DNHD1: variants seen among roughly 807,000 people sequenced by gnomAD.
DNHD1 encodes the protein dynein heavy chain domain 1.
Under a neutral mutation model 458.1 loss-of-function variants are expected in DNHD1, and 383 were observed. That is an observed-to-expected ratio of 0.84 (90% CI 0.77 to 0.91). The LOEUF (loss-of-function observed/expected upper bound fraction) is 0.91, where lower values mean the gene tolerates loss of function less well. Ranked by LOEUF, DNHD1 falls within the 40% of genes least tolerant of loss-of-function variation. DNHD1 has a pLI of 0.00. For synonymous variants in DNHD1, 2,203 were observed against 2,376.9 expected (o/e 0.93, Z 2.13); for missense variants, 5,336 against 5,866.1 (o/e 0.91, Z 2.95).
chr11:6,499,032 T>A, intron 3 of DNHD1, 71 bp downstream of exon 3: 1 of 1,490,858 alleles, frequency 6.7e-7, no homozygotes, highest in Non-Finnish European at 8.9e-7. Flanking sequence ...GCCTCTGGGG[T>A]CACTTGGAAG....
At position 6,547,131 on chromosome 11, in the gene DNHD1, G is replaced by A. The variant is rs1444355196; in HGVS notation, c.6192G>A (p.Gln2064=). The stretch of plus-strand genomic sequence containing the variant: ...CCAAGGTACTTCGTGCAGCCGGTCA[G>A]TGTAACAACATGGGCCAAAAGAGGC... ...IFPKVLRAAG[Q]CNNMGQKRQT... is the part of the protein sequence containing the mutation. The change falls in exon 21 of 43, where the codon CAG becomes CAA. Residue 2064 remains glutamine (Q), a synonymous_variant. Transcript: ENST00000254579. 1 of 1,551,756 alleles carries A rather than the reference G, an allele frequency of 6.4e-7. No homozygotes were observed. Among genetic ancestry groups the A allele is most frequent in the Admixed American group, 2.0e-5 (1 of 51,014 alleles).
Position 6,544,560 on chromosome 11 carries a change from G to T in DNHD1, c.3755-14G>T, listed in dbSNP as rs770953345. 3.4e-5 allele frequency: 52 copies of T among 1,547,300 alleles called. No individual in the cohort carries two copies. The highest frequency in any genetic ancestry group is 4.5e-5 in the Non-Finnish European group (51 of 1,143,300). The stretch of plus-strand genomic sequence containing the variant: ...TAGTGTTTCCCACCAGCATTCCTCT[G>T]GCTGCTTACACAGGTGCCCTGCTGG... On this transcript the variant is annotated splice_polypyrimidine_tract_variant and intron_variant, in intron 19 of 42. Transcript: ENST00000254579.
Position 6,546,085 on chromosome 11 carries a change from C to G in DNHD1, c.5146C>G (p.Gln1716Glu). The G allele has an allele frequency of 6.4e-7, 1 of 1,551,544 alleles. No individual in the cohort carries two copies. Among genetic ancestry groups the G allele is most frequent in the Non-Finnish European group, 8.7e-7 (1 of 1,146,824 alleles). Reference sequence around the variant, plus strand: ...GCTGGTGATGCTACCCTGCTCACCTCAGATAGAGGCTCAATGCCTGAGCAA... The same window carrying G: ...GCTGGTGATGCTACCCTGCTCACCTGAGATAGAGGCTCAATGCCTGAGCAA... ...RQLVMLPCSP[Q>E]IEAQCLSNYL... The change falls in exon 21 of 43, where the codon CAG (glutamine) becomes GAG (glutamate). Residue 1716 changes from glutamine (Q) to glutamate (E), a missense_variant. Physicochemically the swap from Gln to Glu is conservative, Grantham distance 29. Around this residue, in one of 4 missense-constraint regions of DNHD1, gnomAD observed 3,932 missense variants for 4,365.6 expected, o/e 0.90. Transcript: ENST00000254579.
At position 6,566,915 on chromosome 11, in the gene DNHD1, G is replaced by A; in HGVS notation, c.11406G>A (p.Leu3802=). The part of the protein sequence containing the change: ...EAAEERLLTM[L]LFQNPKRQKP... The stretch of plus-strand genomic sequence containing the variant: ...TGCAGGAGCGGCTGCTGACGATGCT[G>A]CTGTTCCAGAATCCGAAGCGTCAGA... The change falls in exon 36 of 43, where the codon CTG becomes CTA. Residue 3802 remains leucine, a synonymous_variant. Coordinates refer to ENST00000254579, the MANE Select transcript of DNHD1 (RefSeq NM_144666.3). 6 of 1,613,264 alleles carry A rather than the reference G, an allele frequency of 3.7e-6. No individual in the cohort carries two copies. Among genetic ancestry groups the A allele is most frequent in the Non-Finnish European group, 5.1e-6 (6 of 1,179,516 alleles).
intron 4 of DNHD1, chr11:6,503,979 G>A (rs1852185353): frequency 6.6e-6 from 1 of 152,148 alleles, no homozygotes; most frequent in South Asian, 2.1e-4. Context: ...CATAAGAGAG[G>A]TTAAGTAATT....
intron 28 of DNHD1, among the ~76,000 whole-genome samples, chr11:6,561,581 A>C (rs1310774358): frequency 6.6e-6 from 1 of 152,270 alleles, no homozygotes; most frequent in Non-Finnish European, 1.5e-5. Context: ...TAACAGAGTA[A>C]GTTCAGAGCA....
In DNHD1 at chr11:6,508,868, C is replaced by G. The variant is rs559911004; in HGVS notation, c.921-12C>G. On this transcript the variant is annotated splice_polypyrimidine_tract_variant and intron_variant, in intron 4 of 42. Coordinates refer to ENST00000254579, the MANE Select transcript of DNHD1 (RefSeq NM_144666.3). ...CCCAGGGCCTTCACTGATCAGAGCT[C>G]TTTTTTTAAAGGCCTTACAGCCTGA... 1 of 1,613,660 alleles carries G rather than the reference C, an allele frequency of 6.2e-7. No individual in the cohort carries two copies. The highest frequency in any genetic ancestry group is 8.5e-7 in the Non-Finnish European group (1 of 1,179,914).
At chr11:6,517,652 C>CTTTTTTTTTTTTTTTTTTTTT (rs59300977) in intron 7 of DNHD1, among the ~76,000 whole-genome samples, 2 of 59,050 alleles carry the variant, frequency 3.4e-5, no homozygotes, top group African/African-American at 1.1e-4. Flanking sequence ...TCTAGGACTT[C>CTTTTTTTTTTTTTTTTTTTTT]TTTTTTTTTT....
chr11:6,520,890 T>C, intron 10 of DNHD1: 1 of 979,114 alleles, frequency 1.0e-6, no homozygotes. Context: ...CCATACTTTT[T>C]AATTTCCTCA....
At chr11:6,539,106 C>G in intron 16 of DNHD1, 113 bp from the exon 17 acceptor site, 1 of 742,596 alleles carries the variant, frequency 1.3e-6, no homozygotes, top group South Asian at 1.7e-5. Context: ...GCTCTGAGAT[C>G]TGCTATCTGG....
At chr11:6,543,987 G>GAAA in intron 18 of DNHD1, 134 bp from the exon 19 acceptor site, 1 of 512,544 alleles carries the variant, frequency 2.0e-6, no homozygotes, top group Non-Finnish European at 3.2e-6. Context: ...AAAAAAAAAG[G>GAAA]GAAAGAAAAA....
In DNHD1 at chr11:6,567,706, G is replaced by A. The variant is rs370859986; in HGVS notation, c.12197G>A (p.Arg4066Gln). 2.5e-5 allele frequency: 41 copies of A among 1,613,876 alleles called. No individual in the cohort carries two copies. The highest frequency in any genetic ancestry group is 1.2e-4 in the African/African-American group (9 of 75,056). Residue 4066 changes from arginine to glutamine, a missense_variant, in exon 36 of 43, where the codon CGG becomes CAG. Physicochemically the swap from Arg to Gln is conservative, Grantham distance 43. This residue lies in a region of DNHD1 where 695 missense variants were observed against 804.2 expected (regional missense o/e 0.86). Coordinates refer to ENST00000254579, the MANE Select transcript of DNHD1 (RefSeq NM_144666.3). ...GACTTCACCACTAGCCTCCTGGGTC[G>A]GCCCCTGGATGAAAACACGTATGCT... ...LADFTTSLLG[R>Q]PLDENTYAPT...
chr11:6,542,649 G>A (rs1411197519), intron 18 of DNHD1, among the ~76,000 whole-genome samples: 1 of 152,078 alleles, frequency 6.6e-6, no homozygotes, highest in Admixed American at 6.6e-5. Flanking sequence ...CCATGAAGCT[G>A]GTGACTTCGT....
intron 7 of DNHD1, among the ~76,000 whole-genome samples, chr11:6,513,376 C>A (rs1244330151): frequency 1.3e-5 from 2 of 152,142 alleles, no homozygotes; most frequent in Non-Finnish European, 2.9e-5. Context: ...TTCATTGATA[C>A]CCCCGCAGAG....
chr11:6,566,820 G>T (rs1485679255), intron 35 of DNHD1, 55 bp downstream of exon 35: 5 of 1,598,926 alleles, frequency 3.1e-6, no homozygotes, highest in Non-Finnish European at 3.4e-6. Context: ...ACCTGGGTAA[G>T]GGGGTGGAGA....
In DNHD1 at chr11:6,528,698, T is replaced by C. The variant is rs1461768147; in HGVS notation, c.2014T>C (p.Phe672Leu). ...TGGATGTCGGCTGCGGGGCCAATAC[T>C]TCCCCCACAATTATAAGCAGCTGGA... ...VRGCRLRGQY[F>L]PHNYKQLEED... The change falls in exon 11 of 43, where the codon TTC (phenylalanine) becomes CTC (leucine). Residue 672 changes from phenylalanine to leucine, a missense_variant. By Grantham distance (22) the Phe-to-Leu change is conservative. Coordinates refer to ENST00000254579, the MANE Select transcript of DNHD1 (RefSeq NM_144666.3). The C allele has an allele frequency of 1.3e-6, 2 of 1,551,596 alleles. No individual in the cohort carries two copies. The highest frequency in any genetic ancestry group is 2.0e-5 in the Admixed American group (1 of 50,980).
intron 4 of DNHD1, among the ~76,000 whole-genome samples, chr11:6,504,696 G>A (rs1477180798): frequency 2.0e-5 from 3 of 152,088 alleles, no homozygotes; most frequent in East Asian, 1.9e-4. Context: ...TGATCCACCC[G>A]CCTCAGCTTC....
At chr11:6,536,478 T>G (rs529923327) in intron 14 of DNHD1, among the ~76,000 whole-genome samples, 2 of 151,852 alleles carry the variant, frequency 1.3e-5, no homozygotes, top group African/African-American at 4.8e-5. Context: ...GAAAAAAAAA[T>G]TGTGTGTGTG....
rs1432166719 is a variant in DNHD1 at position 6,545,998 on chromosome 11, G to T, written c.5059G>T (p.Gly1687Cys). ...GGAGGTGGCCTGTGGGACCGTACTG[G>T]GTCCTAATGGTGTGGGCAAGAGAGC... ...LEEVACGTVLGPNGVGKRAIV... is the reference protein window; with the variant it reads ...LEEVACGTVLCPNGVGKRAIV... Residue 1687 changes from glycine to cysteine, a missense_variant, in exon 21 of 43, where the codon GGT (glycine) becomes TGT (cysteine). Physicochemically the swap from Gly to Cys is radical, Grantham distance 159. Transcript: ENST00000254579. The surrounding 1 kb of genome is among the most constrained non-coding windows in gnomAD (Gnocchi z 4.9). 6.4e-7 allele frequency: 1 copy of T among 1,551,752 alleles called. No individual in the cohort carries two copies. The highest frequency in any genetic ancestry group is 8.7e-7 in the Non-Finnish European group (1 of 1,146,984).
Sources: gnomAD v4.1 joint callset for allele counts (sites outside exome capture counted in the v4.1 genomes callset) on GRCh38, gnomAD v4.1.1 for gene constraint, gnomAD v4.1.1 regional missense constraint, Gnocchi (gnomAD v3.1) non-coding constraint, MANE v1.5 for transcripts, NCBI Gene and HGNC (gene_info 2026-07-23, HGNC 2026-07-21) for gene names.